Variants in PRKN observed in about 807,000 individuals in gnomAD.
PRKN encodes the protein E3 ubiquitin-protein ligase parkin.
Under a neutral mutation model 59.5 loss-of-function variants are expected in PRKN, and 56 were observed. The observed-to-expected ratio is 0.94, with a 90% CI of 0.76 to 1.18. PRKN has a LOEUF of 1.18. Ranked by LOEUF, PRKN falls within the 50% of genes most tolerant of loss-of-function variation. The pLI is 0.00. For missense variants in PRKN, 657 were observed against 596.4 expected (o/e 1.10, Z -1.06); for synonymous variants, 250 against 222.1 (o/e 1.13, Z -1.12).
intron 6 of PRKN, among the ~76,000 whole-genome samples, chr6:161,871,795 G>A (rs1233950927): frequency 1.3e-5 from 2 of 152,072 alleles, no homozygotes; most frequent in African/African-American, 4.8e-5. Flanking sequence ...TTCTCAGCTG[G>A]TGTAGTCTGT....
chr6:162,681,281 T>C (rs1191695477), intron 1 of PRKN, among the ~76,000 whole-genome samples: 1 of 152,214 alleles, frequency 6.6e-6, no homozygotes, highest in Non-Finnish European at 1.5e-5. Flanking sequence ...AGGAAAAATT[T>C]ATCATGAAAT....
At chr6:162,003,686 T>A (rs943036166) in intron 5 of PRKN, among the ~76,000 whole-genome samples, 1 of 152,164 alleles carries the variant, frequency 6.6e-6, no homozygotes, top group African/African-American at 2.4e-5. Context: ...CATAACTTGT[T>A]TATGCATTGA....
chr6:161,689,552 C>A (rs1048913144), intron 7 of PRKN, among the ~76,000 whole-genome samples: 1 of 152,046 alleles, frequency 6.6e-6, no homozygotes, highest in South Asian at 2.1e-4. Context: ...GAACAGTGGG[C>A]GCATCTTGCT....
At chr6:161,723,062 A>G (rs948703011) in intron 7 of PRKN, among the ~76,000 whole-genome samples, 1 of 152,164 alleles carries the variant, frequency 6.6e-6, no homozygotes, top group Non-Finnish European at 1.5e-5. Flanking sequence ...TGAGGTCAAG[A>G]GTTCGAGACC....
intron 4 of PRKN, among the ~76,000 whole-genome samples, chr6:162,124,590 G>A (rs1041332100): frequency 5.3e-5 from 8 of 152,178 alleles, no homozygotes; most frequent in Non-Finnish European, 1.2e-4. Flanking sequence ...GAGTATGAAC[G>A]TTGAGGTTGT....
chr6:162,225,886 G>GTATATATA (rs58925653), intron 3 of PRKN, among the ~76,000 whole-genome samples: 5,298 of 143,032 alleles, frequency 0.037, 293 homozygotes, highest in East Asian at 0.28. Context: ...ATGTAGGGCT[G>GTATATATA]TATATATATA....
intron 1 of PRKN, among the ~76,000 whole-genome samples, chr6:162,584,877 C>T (rs1203555451): frequency 2.6e-5 from 1 of 38,424 alleles, no homozygotes; most frequent in African/African-American, 8.9e-5. Flanking sequence ...CTCCCCTCCC[C>T]TCCCCTCCCC....
intron 6 of PRKN, among the ~76,000 whole-genome samples, chr6:161,831,535 T>C (rs1281187818): frequency 6.6e-6 from 1 of 152,194 alleles, no homozygotes; most frequent in Non-Finnish European, 1.5e-5. Context: ...ACATTAGCCA[T>C]GCATTTCAAG....
At chr6:161,887,668 T>G (rs116833156) in intron 6 of PRKN, among the ~76,000 whole-genome samples, 1 of 152,324 alleles carries the variant, frequency 6.6e-6, no homozygotes, top group East Asian at 1.9e-4. Context: ...TTCCAGCAGA[T>G]AGCAATGTGT....
intron 3 of PRKN, among the ~76,000 whole-genome samples, chr6:162,260,853 T>C (rs1386225049): frequency 2.0e-5 from 3 of 152,184 alleles, no homozygotes; most frequent in Admixed American, 1.3e-4. Context: ...ATTAAAGAAC[T>C]AGTAGATAGG....
chr6:162,541,572 T>C (rs760882698), intron 1 of PRKN, among the ~76,000 whole-genome samples: 4 of 152,164 alleles, frequency 2.6e-5, no homozygotes, highest in African/African-American at 9.7e-5. Flanking sequence ...TCTGATTCAG[T>C]AGGTTTGAGG....
At chr6:161,599,786 T>C (rs951607954) in intron 7 of PRKN, among the ~76,000 whole-genome samples, 1 of 152,222 alleles carries the variant, frequency 6.6e-6, no homozygotes, top group African/African-American at 2.4e-5. Context: ...TCTCATTTGT[T>C]CTTAAAAGCC....
intron 1 of PRKN, among the ~76,000 whole-genome samples, chr6:162,714,145 C>G (rs929411267): frequency 6.6e-6 from 1 of 152,134 alleles, no homozygotes; most frequent in Non-Finnish European, 1.5e-5. Context: ...CGGCATGTCC[C>G]GTGACTTAAT....
At chr6:162,642,344 T>C (rs1777995848) in intron 1 of PRKN, among the ~76,000 whole-genome samples, 1 of 152,166 alleles carries the variant, frequency 6.6e-6, no homozygotes, top group African/African-American at 2.4e-5. Context: ...AAATTAACAT[T>C]TGCTTAATGT....
intron 5 of PRKN, among the ~76,000 whole-genome samples, chr6:162,006,510 C>G (rs1161276456): frequency 1.3e-5 from 2 of 152,134 alleles, no homozygotes; most frequent in African/African-American, 4.8e-5. Context: ...AAACACAATC[C>G]AGATTTCTTG....
intron 5 of PRKN, among the ~76,000 whole-genome samples, chr6:162,046,572 C>T (rs992436303): frequency 2.6e-5 from 4 of 152,160 alleles, no homozygotes; most frequent in Non-Finnish European, 4.4e-5. Context: ...CTGCTACAGC[C>T]GCACTGGTTC....
chr6:162,594,749 C>T (rs2128215086), intron 1 of PRKN, among the ~76,000 whole-genome samples: 1 of 152,298 alleles, frequency 6.6e-6, no homozygotes, highest in Admixed American at 6.5e-5. Context: ...TGGTCAAAGC[C>T]TGAAATACTT....
chr6:162,170,550 G>A (rs1325169974), intron 4 of PRKN, among the ~76,000 whole-genome samples: 1 of 152,164 alleles, frequency 6.6e-6, no homozygotes, highest in East Asian at 1.9e-4. Context: ...AAATTCTACT[G>A]CATTCTTGGA....
intron 1 of PRKN, chr6:162,694,637 A>C (rs970988059): frequency 7.2e-5 from 11 of 152,250 alleles, no homozygotes; most frequent in Admixed American, 4.6e-4. Context: ...AAATTGTATA[A>C]AACTCAAATT....
Sources: gnomAD v4.1 joint callset for allele counts (sites outside exome capture counted in the v4.1 genomes callset) on GRCh38, gnomAD v4.1.1 for gene constraint, MANE v1.5 for transcripts, NCBI Gene and HGNC (gene_info 2026-07-23, HGNC 2026-07-21) for gene names.